The following PPP1R16B variants were observed in gnomAD, a reference collection of about 807,000 sequenced individuals.
PPP1R16B encodes protein phosphatase 1 regulatory inhibitor subunit 16B.
PPP1R16B carries 14 observed loss-of-function variants against 61.7 expected under a neutral mutation model. The ratio of observed to expected loss-of-function variants is 0.23; its 90% CI spans 0.15 to 0.35. The LOEUF is 0.35. Among genes scored for constraint, PPP1R16B ranks in the 10% least tolerant of loss-of-function variants. The pLI is 1.00. For synonymous variants in PPP1R16B, 266 were observed against 305.3 expected (o/e 0.87, Z 1.34); for missense variants, 547 against 752.5 (o/e 0.73, Z 3.19).
At chr20:38,874,105 G>A (rs1201699359) in intron 2 of PPP1R16B, among the ~76,000 whole-genome samples, 2 of 152,216 alleles carry the variant, frequency 1.3e-5, no homozygotes, top group African/African-American at 2.4e-5. Flanking sequence ...CTGTTCACTG[G>A]GGGAGGGAAC....
intron 2 of PPP1R16B, among the ~76,000 whole-genome samples, chr20:38,847,469 G>A (rs1355030086): frequency 5.3e-5 from 8 of 152,116 alleles, no homozygotes; most frequent in African/African-American, 1.7e-4. Context: ...CAATTCTCCT[G>A]TCTCAGCCTC....
chr20:38,873,411 T>G (rs1490657581), intron 2 of PPP1R16B, among the ~76,000 whole-genome samples: 5 of 152,118 alleles, frequency 3.3e-5, no homozygotes, highest in Non-Finnish European at 2.9e-5. Context: ...GGGGCACTCA[T>G]TATGTATGCT....
At chr20:38,816,994 G>T (rs1201896620) in intron 1 of PPP1R16B, among the ~76,000 whole-genome samples, 1 of 152,182 alleles carries the variant, frequency 6.6e-6, no homozygotes, top group Admixed American at 6.5e-5. Flanking sequence ...AATTCTTCAT[G>T]AATTTTCAGT....
chr20:38,911,478 T>C (rs2085489657), intron 10 of PPP1R16B, among the ~76,000 whole-genome samples: 1 of 152,050 alleles, frequency 6.6e-6, no homozygotes, highest in Non-Finnish European at 1.5e-5. Flanking sequence ...CTCATTCTTT[T>C]TTATTGCTTT....
At chr20:38,838,217 TC>T (rs374346727) in intron 2 of PPP1R16B, 9 of 152,530 alleles carry the variant, frequency 5.9e-5, no homozygotes, top group African/African-American at 1.2e-4. Context: ...ACCTCCCTGT[TC>T]CCCTTGGCGC....
At chr20:38,853,577 A>G (rs1277634005) in intron 2 of PPP1R16B, among the ~76,000 whole-genome samples, 1 of 152,238 alleles carries the variant, frequency 6.6e-6, no homozygotes, top group Non-Finnish European at 1.5e-5. Flanking sequence ...GCAGTCCTCC[A>G]GGTGAATCAG....
intron 2 of PPP1R16B, among the ~76,000 whole-genome samples, chr20:38,880,803 T>C (rs1346845843): frequency 2.0e-5 from 3 of 152,264 alleles, no homozygotes; most frequent in Non-Finnish European, 4.4e-5. Flanking sequence ...TGTGGACATA[T>C]ATGTTCATTC....
At chr20:38,875,234 A>G (rs1291888328) in intron 2 of PPP1R16B, among the ~76,000 whole-genome samples, 1 of 152,360 alleles carries the variant, frequency 6.6e-6, no homozygotes, top group Non-Finnish European at 1.5e-5. Context: ...TGAGCCAGGA[A>G]CAGAGGGTTC....
At chr20:38,885,588 T>G (rs1017840760) in intron 2 of PPP1R16B, among the ~76,000 whole-genome samples, 1 of 152,168 alleles carries the variant, frequency 6.6e-6, no homozygotes, top group Non-Finnish European at 1.5e-5. Context: ...GGCTTTGAAA[T>G]CAGAGAGGCC....
intron 1 of PPP1R16B, among the ~76,000 whole-genome samples, chr20:38,818,700 C>T (rs1260142592): frequency 6.6e-6 from 1 of 151,540 alleles, no homozygotes; most frequent in East Asian, 1.9e-4. Flanking sequence ...CAAGTGCTGT[C>T]TGGGCAGGCA....
At position 38,863,270 on chromosome 20, in the gene PPP1R16B, C is replaced by G. The variant is rs537411189; in HGVS notation, c.251-26325C>G. ...GGGGCTCAGATAACCCTGGTCTGAC[C>G]GCAGAGACCTGATGCACCTCGTACT... On this transcript the variant is annotated intron_variant, in intron 2 of 10. Transcript: ENST00000299824. 9.9e-5 allele frequency among the ~76,000 whole-genome samples: 15 copies of G among 152,258 alleles called. No homozygotes were observed. In the East Asian group the frequency reaches 2.9e-3, roughly 29 times the overall value.
chr20:38,807,064 C>G (rs112934429), intron 1 of PPP1R16B, among the ~76,000 whole-genome samples: 2 of 152,232 alleles, frequency 1.3e-5, no homozygotes, highest in Non-Finnish European at 2.9e-5. Flanking sequence ...CTGTGGAGGA[C>G]CCGGGGCCCG....
chr20:38,876,519 T>A (rs377766210), intron 2 of PPP1R16B, among the ~76,000 whole-genome samples: 28 of 125,394 alleles, frequency 2.2e-4, no homozygotes, highest in Non-Finnish European at 3.9e-4. Context: ...ATATTACTCT[T>A]CTTTGATTTT....
chr20:38,828,649 G>T (rs1050422091), intron 1 of PPP1R16B, among the ~76,000 whole-genome samples: 1 of 152,222 alleles, frequency 6.6e-6, no homozygotes, highest in Non-Finnish European at 1.5e-5. Flanking sequence ...ACTGTGTGTT[G>T]TGCTTCCAGT....
intron 6 of PPP1R16B, among the ~76,000 whole-genome samples, chr20:38,904,375 G>A (rs527963409): frequency 1.3e-5 from 2 of 152,356 alleles, no homozygotes; most frequent in South Asian, 2.1e-4. Flanking sequence ...GTAAACTGGA[G>A]ATCATAGTGT....
At chr20:38,888,058 C>T (rs1293222708) in intron 2 of PPP1R16B, among the ~76,000 whole-genome samples, 1 of 152,254 alleles carries the variant, frequency 6.6e-6, no homozygotes, top group Non-Finnish European at 1.5e-5. Context: ...GGATAGTCTT[C>T]TCTTCACCCT....
intron 1 of PPP1R16B, among the ~76,000 whole-genome samples, chr20:38,810,774 C>T (rs910123637): frequency 6.6e-6 from 1 of 152,168 alleles, no homozygotes; most frequent in Non-Finnish European, 1.5e-5. Context: ...TCCCCCACTG[C>T]ACAGAGGGAG....
chr20:38,850,208 G>A (rs535418872), intron 2 of PPP1R16B, among the ~76,000 whole-genome samples: 26 of 152,308 alleles, frequency 1.7e-4, no homozygotes, highest in African/African-American at 6.0e-4. Flanking sequence ...CATTGGCTAT[G>A]AGGTCGATTC....
chr20:38,825,060 T>G (rs747813053), intron 1 of PPP1R16B, among the ~76,000 whole-genome samples: 56 of 152,342 alleles, frequency 3.7e-4, no homozygotes, highest in Admixed American at 2.7e-3. Context: ...GGGGAGGAGA[T>G]AGCTTGTTAG....
Sources: allele counts gnomAD v4.1 joint callset (sites outside exome capture counted in the v4.1 genomes callset), GRCh38; gene constraint gnomAD v4.1.1; transcripts MANE v1.5; gene names NCBI Gene and HGNC (gene_info 2026-07-23, HGNC 2026-07-21).